The following THBS2 variants were observed in gnomAD, a reference collection of about 807,000 sequenced individuals.
THBS2 encodes thrombospondin-2.
Under a neutral mutation model 135.2 loss-of-function variants are expected in THBS2, and 47 were observed. That is an observed-to-expected ratio of 0.35 (90% CI 0.28 to 0.44). The LOEUF (loss-of-function observed/expected upper bound fraction) is 0.44. THBS2 is among the 20% of genes least tolerant of loss of function. THBS2 has a pLI of 1.00. For missense variants in THBS2, 1,288 were observed against 1,603.1 expected, an observed-to-expected ratio of 0.80 and a Z score of 3.36; for synonymous variants, 639 against 633.8, an observed-to-expected ratio of 1.01 and a Z score of -0.12.
intron 4 of THBS2, among the ~76,000 whole-genome samples, chr6:169,245,195 G>C (rs1172450332): frequency 6.6e-6 from 1 of 152,206 alleles, no homozygotes; most frequent in African/African-American, 2.4e-5. Context: ...CCTGCTCCCT[G>C]CTCACTGGGG....
At chr6:169,221,371 A>G (rs1003300304) in intron 20 of THBS2, 59 bp downstream of exon 20, 14 of 1,484,814 alleles carry the variant, frequency 9.4e-6, no homozygotes, top group Non-Finnish European at 1.3e-5. Context: ...TAATGTTCAA[A>G]TGTGCCGTCC....
intron 4 of THBS2, among the ~76,000 whole-genome samples, chr6:169,244,718 A>G (rs569092705): frequency 3.2e-4 from 49 of 152,330 alleles, no homozygotes; most frequent in African/African-American, 1.1e-3. Context: ...CCAGAAGAGC[A>G]CTGCCTCATG....
chr6:169,231,446 T>C (rs375105291), intron 13 of THBS2, among the ~76,000 whole-genome samples: 19 of 152,184 alleles, frequency 1.2e-4, no homozygotes, highest in African/African-American at 4.1e-4. Flanking sequence ...CAGATTCCTG[T>C]TGTTGTGAGC....
intron 9 of THBS2, among the ~76,000 whole-genome samples, chr6:169,236,427 A>C: frequency 5.2e-5 from 5 of 96,128 alleles, no homozygotes; most frequent in Non-Finnish European, 8.1e-5. Context: ...ATCCACACTC[A>C]CTCCCCATCC....
intron 15 of THBS2, among the ~76,000 whole-genome samples, chr6:169,227,000 C>CAA (rs1779651780): frequency 1.3e-5 from 2 of 152,172 alleles, no homozygotes; most frequent in African/African-American, 4.8e-5. Context: ...CAGCACATCA[C>CAA]AGACGCCATC....
At chr6:169,229,476 G>A (rs1359427819) in intron 14 of THBS2, 96 bp downstream of exon 14, 3 of 917,836 alleles carry the variant, frequency 3.3e-6, no homozygotes, top group African/African-American at 1.6e-5. Context: ...GACAATGGCA[G>A]TTACGTTGAC....
intron 7 of THBS2, among the ~76,000 whole-genome samples, chr6:169,238,363 C>T (rs919659630): frequency 2.0e-5 from 3 of 152,116 alleles, no homozygotes; most frequent in Admixed American, 6.5e-5. Context: ...AGCAACCTGA[C>T]GCCAGAAATC....
rs1779762788 is a variant in THBS2, at chr6:169,229,665, A to G, written c.2166T>C (p.His722=). Residue 722 remains histidine, a synonymous_variant, in exon 14 of 22, where the codon CAT becomes CAC. Coordinates refer to ENST00000617924, the MANE Select transcript of THBS2 (RefSeq NM_003247.5). ...TYHCIKDNCP[H]LPNSGQEDFD... ...AGTCTTCCTGCCCAGAATTTGGCAG[A>G]TGGGGGCAGTTATCCTGCAATTGGA... The G allele has an allele frequency of 1.2e-6, 2 of 1,613,728 alleles. No homozygotes were observed. Among genetic ancestry groups the G allele is most frequent in the African/African-American group, 2.7e-5 (2 of 74,936 alleles).
intron 3 of THBS2, 122 bp downstream of exon 3, chr6:169,248,295 A>G: frequency 1.8e-6 from 2 of 1,142,736 alleles, no homozygotes; most frequent in South Asian, 1.4e-5. Context: ...CGGGATGTGC[A>G]GTGTGCTTCT....
At chr6:169,232,575 C>T in intron 12 of THBS2, 89 bp downstream of exon 12, 3 of 1,519,800 alleles carry the variant, frequency 2.0e-6, no homozygotes, top group Non-Finnish European at 1.8e-6. Context: ...CACGCCACCC[C>T]TTCCTCTCCT....
chr6:169,223,216 G>A (rs1425063139), intron 18 of THBS2, 32 bp downstream of exon 18: 4 of 1,594,370 alleles, frequency 2.5e-6, no homozygotes, highest in Non-Finnish European at 3.4e-6. Context: ...CCGGAGAAAT[G>A]CTGGCACCAC....
chr6:169,244,164 G>GTTTTTTTTTTTT (rs34458367), intron 4 of THBS2, among the ~76,000 whole-genome samples: 1 of 120,334 alleles, frequency 8.3e-6, no homozygotes, highest in Non-Finnish European at 1.7e-5. Context: ...ATTTCTCTGT[G>GTTTTTTTTTTTT]TTTTTTTTTT....
At position 169,222,199 on chromosome 6, in the gene THBS2, GC is replaced by G; in HGVS notation, c.3270del (p.Gln1091ArgfsTer24). 1 of 1,601,448 alleles carries G rather than the reference GC, an allele frequency of 6.2e-7. No individual in the cohort carries two copies. ...TGGGCCTGGCCAGCCAACCTCACCT[GC>G]CCCGGCGTGTTCCCCGTGTGCCACA... The part of the protein sequence containing the change: ...NALWHTGNTP[G>X]QVRTLWHDPR... On this transcript the variant is annotated frameshift_variant, in exon 19 of 22. Transcript: ENST00000617924. LOFTEE classifies it high-confidence loss of function.
rs560251241 is a variant in THBS2 at position 169,246,107 on chromosome 6, GCACACACATACACA to G, written c.694+76_694+89del. 6.2e-3 allele frequency: 6,587 copies of G among 1,065,874 alleles called. 13 individuals carry two copies. The highest frequency in any genetic ancestry group is 8.0e-3 in the Non-Finnish European group (5,751 of 718,064). 66.0% of individuals were successfully genotyped at this position (1,065,874 alleles called of 1,614,324 possible). On this transcript the variant is annotated intron_variant, in intron 4 of 21. Transcript: ENST00000617924. ...TACTTAAATTTTTACAAGCATGAATGCACACACATACACACACACACATACACCATGTCACAATA... is the reference window on the plus strand; with the variant it reads ...TACTTAAATTTTTACAAGCATGAATGCACACACATACACCATGTCACAATA...
At chr6:169,247,078 T>C (rs955178255) in intron 3 of THBS2, among the ~76,000 whole-genome samples, 2 of 152,214 alleles carry the variant, frequency 1.3e-5, no homozygotes, top group African/African-American at 4.8e-5. Context: ...AGGAGTGGTT[T>C]TGGTTGTGAT....
At chr6:169,245,526 C>T (rs1000403527) in intron 4 of THBS2, among the ~76,000 whole-genome samples, 4 of 152,132 alleles carry the variant, frequency 2.6e-5, no homozygotes, top group Admixed American at 6.5e-5. Context: ...GGCGTGGTGG[C>T]TCACACCTGT....
At chr6:169,246,159 A>T (rs1411348536) in intron 4 of THBS2, 38 bp downstream of exon 4, 6 of 1,546,332 alleles carry the variant, frequency 3.9e-6, no homozygotes, top group Non-Finnish European at 5.4e-6. Flanking sequence ...AATCCATCCA[A>T]GCCAGTATAT....
Position 169,246,221 on chromosome 6 carries a change from T to C in THBS2, c.670A>G (p.Lys224Glu). ...ENSVEDILSK[K>E]GCQQGQGAEI... ...CCTCCCTGGCCTTGCTGGCAACCCTTCTTGCTTAGAATATCTTCCACAGAG... is the reference window on the plus strand; with the variant it reads ...CCTCCCTGGCCTTGCTGGCAACCCTCCTTGCTTAGAATATCTTCCACAGAG... Residue 224 changes from lysine to glutamate, a missense_variant, in exon 4 of 22, where the codon AAG becomes GAG. By Grantham distance (56) the Lys-to-Glu change is moderately conservative. This residue lies in a region of THBS2 where 414 missense variants were observed against 447.0 expected (regional missense o/e 0.93). Coordinates refer to ENST00000617924, the MANE Select transcript of THBS2 (RefSeq NM_003247.5). 6.2e-7 allele frequency: 1 copy of C among 1,613,988 alleles called. No homozygotes were observed. Among genetic ancestry groups the C allele is most frequent in the Non-Finnish European group, 8.5e-7 (1 of 1,180,008 alleles).
At chr6:169,218,243 AGATG>A (rs563389294) in intron 21 of THBS2, among the ~76,000 whole-genome samples, 23 of 94,436 alleles carry the variant, frequency 2.4e-4, no homozygotes, top group South Asian at 3.9e-4. Context: ...TGGCTGGATG[AGATG>A]GATGGATGGG....
Sources: allele counts gnomAD v4.1 joint callset (sites outside exome capture counted in the v4.1 genomes callset), GRCh38; gene constraint gnomAD v4.1.1; regional missense constraint gnomAD v4.1.1; transcripts MANE v1.5; gene names NCBI Gene and HGNC (gene_info 2026-07-23, HGNC 2026-07-21).